ABCF2: variants seen among roughly 807,000 people sequenced by gnomAD.
ABCF2 encodes the protein ATP-binding cassette sub-family F member 2.
ABCF2 carries 37 observed loss-of-function variants against 76.9 expected under a neutral mutation model. The observed-to-expected ratio is 0.48, with a 90% CI of 0.37 to 0.63. ABCF2 has a LOEUF of 0.63. Among genes scored for constraint, ABCF2 ranks in the 30% least tolerant of loss-of-function variants. ABCF2 has a pLI of 0.00. For missense variants in ABCF2, 524 were observed against 782.1 expected, an observed-to-expected ratio of 0.67 and a Z score of 3.94; for synonymous variants, 299 against 283.7, an observed-to-expected ratio of 1.05 and a Z score of -0.54.
rs1163226150 is a variant in ABCF2, at chr7:151,215,929, C to A, written c.1401+38G>T. 6.2e-7 allele frequency: 1 copy of A among 1,609,516 alleles called. No individual in the cohort carries two copies. The highest frequency in any genetic ancestry group is 8.5e-7 in the Non-Finnish European group (1 of 1,175,946). On this transcript the variant is annotated intron_variant, in intron 12 of 14. Coordinates refer to ENST00000287844, the MANE Select transcript of ABCF2 (RefSeq NM_007189.3). This position sits in a 1 kb window ranked among gnomAD's most constrained non-coding sequence, Gnocchi z 4.6. ...AGCCAGATACAGCCCCTCCCTATACCCTGGGCAATTCCCCGGATCCCAACC... is the reference window on the plus strand; with the variant it reads ...AGCCAGATACAGCCCCTCCCTATACACTGGGCAATTCCCCGGATCCCAACC...
At chr7:151,219,469 A>C (rs776530174) in intron 7 of ABCF2, among the ~76,000 whole-genome samples, 15 of 152,230 alleles carry the variant, frequency 9.9e-5, no homozygotes, top group Admixed American at 2.6e-4. Context: ...CACGAGGCTC[A>C]GAGCCTTCCA....
Position 151,215,008 on chromosome 7 carries a change from G to A in ABCF2, c.1605C>T (p.Pro535=), listed in dbSNP as rs748648196. The change falls in exon 14 of 15, where the codon CCC becomes CCT. Residue 535 remains proline, a synonymous_variant. Coordinates refer to ENST00000287844, the MANE Select transcript of ABCF2 (RefSeq NM_007189.3). The surrounding 1 kb of genome is among the most constrained non-coding windows in gnomAD (Gnocchi z 4.6). ...VCLAWLAWQN[P]HMLFLDEPTN... ...TGGGTTCATCCAGGAAGAGCATGTG[G>A]GGGTTCTGCCAGGCCAGCCAGGCCA... 1 of 1,614,196 alleles carries A rather than the reference G, an allele frequency of 6.2e-7. No homozygotes were observed. Among genetic ancestry groups the A allele is most frequent in the Non-Finnish European group, 8.5e-7 (1 of 1,180,030 alleles).
intron 7 of ABCF2, among the ~76,000 whole-genome samples, chr7:151,220,409 C>CTGCAATTG (rs1199162520): frequency 7.2e-6 from 1 of 139,082 alleles, no homozygotes; most frequent in Non-Finnish European, 1.5e-5. Context: ...AAAAAAAAAG[C>CTGCAATTG]TGCAATTGTA....
At position 151,226,414 on chromosome 7, in the gene ABCF2, C is replaced by T; in HGVS notation, c.45G>A (p.Glu15=). The change falls in exon 2 of 15, where the codon GAG becomes GAA. Residue 15 remains glutamate (E), a synonymous_variant. Transcript: ENST00000287844. ...TGGGCCGCTGTCGAGCTTTGGCAGC[C>T]TCCTTCTTTTTGGCTGCCTTCTTCT... is the stretch of plus-strand genomic sequence containing the variant. The part of the protein sequence containing the change: ...LAKKKAAKKK[E]AAKARQRPRK... 1 of 1,614,070 alleles carries T rather than the reference C, an allele frequency of 6.2e-7. No homozygotes were observed. The highest frequency in any genetic ancestry group is 8.5e-7 in the Non-Finnish European group (1 of 1,180,008).
Position 151,215,556 on chromosome 7 carries a change from ACAGTCTGCCAGCTAT to A in ABCF2, c.1530+33_1530+47del, listed in dbSNP as rs752705177. 4 of 1,609,412 alleles carry A rather than the reference ACAGTCTGCCAGCTAT, an allele frequency of 2.5e-6. No homozygotes were observed. In the South Asian group the frequency reaches 3.3e-5, roughly 13 times the overall value. On this transcript the variant is annotated intron_variant, in intron 13 of 14. Coordinates refer to ENST00000287844, the MANE Select transcript of ABCF2 (RefSeq NM_007189.3). This position sits in a 1 kb window ranked among gnomAD's most constrained non-coding sequence, Gnocchi z 4.6. ...ACAGTATCCCCTGACCCACCCAGCC[ACAGTCTGCCAGCTAT>A]CTGGCATCCTCACCACACCCTCCTT...
chr7:151,215,042 C>T lies in ABCF2; in HGVS notation c.1571G>A (p.Arg524Gln), dbSNP rs776196180. 2 of 1,614,120 alleles carry T rather than the reference C, an allele frequency of 1.2e-6. No homozygotes were observed. Among genetic ancestry groups the T allele is most frequent in the East Asian group, 2.2e-5 (1 of 44,886 alleles). ...CCAGGCCAGCCAGGCCAGACACACT[C>T]GGCACTTCTGCCCGTCTGACAAGTT... ...IRNLSDGQKC[R>Q]VCLAWLAWQN... The change falls in exon 14 of 15, where the codon CGA becomes CAA. Residue 524 changes from arginine to glutamine, a missense_variant. Around this residue, in one of 2 missense-constraint regions of ABCF2, gnomAD observed 194 missense variants for 348.6 expected, o/e 0.56. Coordinates refer to ENST00000287844, the MANE Select transcript of ABCF2 (RefSeq NM_007189.3). The surrounding 1 kb of genome is among the most constrained non-coding windows in gnomAD (Gnocchi z 4.6).
rs1445287654 is a variant in ABCF2 at position 151,219,007 on chromosome 7, G to A, written c.1017+57C>T. 1.0e-5 allele frequency: 16 copies of A among 1,597,628 alleles called. No individual in the cohort carries two copies. In the Admixed American group the frequency reaches 1.0e-4, roughly 10 times the overall value. ...ACCGCTTCTCGAAATGCCCTCATCC[G>A]AGCCCCCTGCTTCTTTCAGACAGGA... is the stretch of plus-strand genomic sequence containing the variant. On this transcript the variant is annotated intron_variant, in intron 8 of 14. Transcript: ENST00000287844.
intron 4 of ABCF2, 30 bp from the exon 5 acceptor site, chr7:151,223,879 T>G: frequency 6.2e-7 from 1 of 1,605,726 alleles, no homozygotes; most frequent in Non-Finnish European, 8.5e-7. Flanking sequence ...ATGAGGCTCC[T>G]GGGGGCCTTT....
rs1288170200 is a variant in ABCF2 at position 151,214,958 on chromosome 7, A to G, written c.1655T>C (p.Ile552Thr). 1.2e-6 allele frequency: 2 copies of G among 1,614,188 alleles called. No homozygotes were observed. The highest frequency in any genetic ancestry group is 1.7e-6 in the Non-Finnish European group (2 of 1,180,042). The change falls in exon 14 of 15, where the codon ATC becomes ACC. Residue 552 changes from isoleucine to threonine, a missense_variant. This residue lies in a region of ABCF2 where 194 missense variants were observed against 348.6 expected (regional missense o/e 0.56). Coordinates refer to ENST00000287844, the MANE Select transcript of ABCF2 (RefSeq NM_007189.3). This position sits in a 1 kb window ranked among gnomAD's most constrained non-coding sequence, Gnocchi z 4.9. ...EPTNHLDIETIDALADAINEF... is the reference protein window; with the variant it reads ...EPTNHLDIETTDALADAINEF... ...ATTGATGGCATCTGCCAGGGCGTCG[A>G]TGGTCTCGATATCCAGGTGATTGGT...
intron 11 of ABCF2, among the ~76,000 whole-genome samples, chr7:151,216,676 A>AT (rs947051416): frequency 2.5e-4 from 38 of 149,362 alleles, no homozygotes; most frequent in Middle Eastern, 3.5e-3. Flanking sequence ...CACCTGGCTA[A>AT]TTTTTTTTTT....
Position 151,223,763 on chromosome 7 carries a change from G to GC in ABCF2, c.636dup (p.His213AlafsTer42). 6.2e-7 allele frequency: 1 copy of GC among 1,613,794 alleles called. No individual in the cohort carries two copies. The highest frequency in any genetic ancestry group is 8.5e-7 in the Non-Finnish European group (1 of 1,179,884). On this transcript the variant is annotated frameshift_variant, in exon 5 of 15. Transcript: ENST00000287844. ...ATGGCAGGTGTGAAACCCAGTCCAT[G>GC]CAAGATCCGCGAGGCCCTCATCTCT...
chr7:151,222,161 C>G (rs1802281529), intron 6 of ABCF2, among the ~76,000 whole-genome samples: 1 of 152,104 alleles, frequency 6.6e-6, no homozygotes, highest in South Asian at 2.1e-4. Flanking sequence ...ACCATATTGG[C>G]TATATTTTCC....
rs552775130 is a variant in ABCF2 at position 151,213,807 on chromosome 7, A to C, written c.*247T>G. Reference sequence around the variant, plus strand: ...AGTAAGATAACCAGCAAGGGGCTGGAGGGAACGGCCAGCCGAGTCCAGACA... The same window carrying C: ...AGTAAGATAACCAGCAAGGGGCTGGCGGGAACGGCCAGCCGAGTCCAGACA... On this transcript the variant is annotated 3_prime_UTR_variant, in exon 15 of 15. Coordinates refer to ENST00000287844, the MANE Select transcript of ABCF2 (RefSeq NM_007189.3). 1.1e-4 allele frequency: 150 copies of C among 1,327,246 alleles called. No individual in the cohort carries two copies. The highest frequency in any genetic ancestry group is 2.9e-4 in the Admixed American group (8 of 27,364). 82.2% of individuals were successfully genotyped at this position (1,327,246 alleles called of 1,614,324 possible). A position where few individuals can be genotyped will look rare whatever the true frequency, so the allele number is the denominator to read the frequency against.
At chr7:151,220,366 C>T (rs769235455) in intron 7 of ABCF2, among the ~76,000 whole-genome samples, 1 of 123,858 alleles carries the variant, frequency 8.1e-6, no homozygotes, top group Non-Finnish European at 1.6e-5. Context: ...TCCAGCCTGG[C>T]GACGGAGCAA....
At chr7:151,225,886 G>C (rs763002450) in intron 2 of ABCF2, among the ~76,000 whole-genome samples, 5 of 152,130 alleles carry the variant, frequency 3.3e-5, no homozygotes, top group Non-Finnish European at 7.4e-5. Context: ...TCTCTCCCAG[G>C]AAAAACCCCA....
At chr7:151,218,462 G>T in intron 10 of ABCF2, 99 bp downstream of exon 10, 1 of 1,085,710 alleles carries the variant, frequency 9.2e-7, no homozygotes, top group Non-Finnish European at 1.4e-6. Context: ...AGAGCACGTG[G>T]GCTAGCAGGT....
intron 2 of ABCF2, among the ~76,000 whole-genome samples, chr7:151,226,041 C>T (rs1293132033): frequency 6.6e-6 from 1 of 152,126 alleles, no homozygotes; most frequent in African/African-American, 2.4e-5. Flanking sequence ...GGAACTGATC[C>T]CCTCCTCACA....
At chr7:151,222,654 T>C (rs772184646) in intron 5 of ABCF2, 38 bp from the exon 6 acceptor site, 14 of 1,553,274 alleles carry the variant, frequency 9.0e-6, no homozygotes, top group Non-Finnish European at 1.2e-5. Flanking sequence ...ACCTCAGAAT[T>C]ATAATGGATG....
Position 151,215,206 on chromosome 7 carries a change from A to G in ABCF2, c.1531-124T>C. On this transcript the variant is annotated intron_variant, in intron 13 of 14. Transcript: ENST00000287844. This position sits in a 1 kb window ranked among gnomAD's most constrained non-coding sequence, Gnocchi z 4.6. ...GCCATTTATAAAAAGTGAGGCTCAG[A>G]GAGACCCACTAGTCTCTTGAGGCCT... The G allele has an allele frequency of 1.0e-6, 1 of 962,128 alleles. No individual in the cohort carries two copies. Among genetic ancestry groups the G allele is most frequent in the South Asian group, 1.6e-5 (1 of 63,476 alleles). 59.6% of individuals were successfully genotyped at this position (962,128 alleles called of 1,614,324 possible).
Sources: allele counts gnomAD v4.1 joint callset (sites outside exome capture counted in the v4.1 genomes callset), GRCh38; gene constraint gnomAD v4.1.1; regional missense constraint gnomAD v4.1.1; non-coding constraint Gnocchi (gnomAD v3.1); transcripts MANE v1.5; gene names NCBI Gene and HGNC (gene_info 2026-07-23, HGNC 2026-07-21).